Variants in MARCHF1 observed in about 807,000 individuals in gnomAD.
The protein encoded by MARCHF1 is E3 ubiquitin-protein ligase MARCHF1.
In MARCHF1, 40 loss-of-function variants were observed where a neutral mutation model predicts 54.2. The ratio of observed to expected loss-of-function variants is 0.74; its 90% CI spans 0.57 to 0.96. The LOEUF (loss-of-function observed/expected upper bound fraction) is 0.96, where lower values mean the gene tolerates loss of function less well. Among genes scored for constraint, MARCHF1 ranks in the 40% least tolerant of loss-of-function variants. The probability of loss-of-function intolerance (pLI) is 0.00; values close to 1 mark genes in which losing one functional copy is unlikely to be tolerated. For synonymous variants in MARCHF1, 236 were observed against 236.3 expected (o/e 1.00, Z 0.01); for missense variants, 586 against 656.5 (o/e 0.89, Z 1.17).
chr4:164,280,018 T>G (rs914598243), intron 1 of MARCHF1, among the ~76,000 whole-genome samples: 5 of 151,858 alleles, frequency 3.3e-5, no homozygotes. Flanking sequence ...CATCAAAAAC[T>G]TAAAGGGTAG....
At chr4:164,307,983 C>T (rs1173009251) in intron 1 of MARCHF1, among the ~76,000 whole-genome samples, 3 of 152,258 alleles carry the variant, frequency 2.0e-5, no homozygotes, top group Admixed American at 6.5e-5. Context: ...CTACTAAACA[C>T]GCCAAATCTT....
chr4:163,535,952 C>G (rs551142817), intron 9 of MARCHF1, among the ~76,000 whole-genome samples: 1 of 151,952 alleles, frequency 6.6e-6, no homozygotes, highest in Non-Finnish European at 1.5e-5. Flanking sequence ...TATTAGAGGC[C>G]AGGCATGCTG....
At chr4:163,891,467 A>C (rs1043665880) in intron 3 of MARCHF1, among the ~76,000 whole-genome samples, 2 of 149,240 alleles carry the variant, frequency 1.3e-5, no homozygotes, top group African/African-American at 4.9e-5. Context: ...AAGCTACACC[A>C]TTTTTTTTTT....
At position 163,912,988 on chromosome 4, in the gene MARCHF1, T is replaced by C. The variant is rs146236143; in HGVS notation, c.-38-58819A>G. 2.9e-3 allele frequency among the ~76,000 whole-genome samples: 437 copies of C among 152,330 alleles called. 1 individual carries two copies. The highest frequency in any genetic ancestry group is 9.8e-3 in the African/African-American group (406 of 41,576). On this transcript the variant is annotated intron_variant, in intron 3 of 9. Transcript: ENST00000514618. ...GGCTCTTCCTAGATAAATGACACAT[T>C]ATAAAATTTAAAATGTTCTGTTATG...
intron 4 of MARCHF1, among the ~76,000 whole-genome samples, chr4:163,722,950 C>A (rs989100953): frequency 6.6e-6 from 1 of 152,164 alleles, no homozygotes; most frequent in Non-Finnish European, 1.5e-5. Context: ...CTGAATAAAG[C>A]ACACTGATGG....
intron 2 of MARCHF1, among the ~76,000 whole-genome samples, chr4:164,071,533 C>A (rs1221968652): frequency 6.6e-6 from 1 of 151,892 alleles, no homozygotes; most frequent in Non-Finnish European, 1.5e-5. Context: ...TGCATTTAAT[C>A]AAAATATGTA....
At chr4:163,821,902 T>C (rs1170353368) in intron 4 of MARCHF1, among the ~76,000 whole-genome samples, 3 of 151,656 alleles carry the variant, frequency 2.0e-5, no homozygotes, top group Non-Finnish European at 4.4e-5. Flanking sequence ...ACACAAACTC[T>C]TTTGACAAAA....
chr4:164,298,607 G>A lies in MARCHF1; in HGVS notation c.-323+85263C>T, dbSNP rs1014559983. ...TAATATCAAGAGTTGGTCTTTCTAT[G>A]GGCCTTTCAGATTTGTTTTCTACAA... On this transcript the variant is annotated intron_variant, in intron 1 of 9. Transcript: ENST00000514618. Among the ~76,000 whole-genome samples the A allele has an allele frequency of 3.7e-4, 56 of 151,916 alleles. 1 individual carries two copies. Among genetic ancestry groups the A allele is most frequent in the Middle Eastern group, 3.2e-3 (1 of 316 alleles).
chr4:164,039,120 G>A (rs976603618), intron 2 of MARCHF1, among the ~76,000 whole-genome samples: 1 of 152,010 alleles, frequency 6.6e-6, no homozygotes, highest in Non-Finnish European at 1.5e-5. Context: ...AATAGATTAG[G>A]GAGTAAAATA....
chr4:163,747,469 C>T (rs1326900903), intron 4 of MARCHF1, among the ~76,000 whole-genome samples: 1 of 152,140 alleles, frequency 6.6e-6, no homozygotes. Flanking sequence ...CATGTAAGAC[C>T]CAGTGAATTT....
At chr4:164,053,301 T>A (rs1754413668) in intron 2 of MARCHF1, among the ~76,000 whole-genome samples, 1 of 152,182 alleles carries the variant, frequency 6.6e-6, no homozygotes, top group South Asian at 2.1e-4. Flanking sequence ...ATGACCGATA[T>A]TTGGGCATTT....
At chr4:164,045,782 A>G (rs187258940) in intron 2 of MARCHF1, among the ~76,000 whole-genome samples, 89 of 152,002 alleles carry the variant, frequency 5.9e-4, no homozygotes, top group African/African-American at 2.1e-3. Context: ...TCTGACCTCA[A>G]ACAAAAGCAT....
chr4:164,351,113 C>A (rs1052665855), intron 1 of MARCHF1, among the ~76,000 whole-genome samples: 14 of 152,172 alleles, frequency 9.2e-5, no homozygotes, highest in Admixed American at 1.3e-4. Flanking sequence ...GAGGGTCCTA[C>A]CCCACGGAAT....
intron 4 of MARCHF1, among the ~76,000 whole-genome samples, chr4:163,754,161 C>G (rs1465751187): frequency 6.6e-6 from 1 of 152,178 alleles, no homozygotes; most frequent in Admixed American, 6.5e-5. Flanking sequence ...ATTCTTAGAT[C>G]CCAGATAGCT....
chr4:163,976,836 G>T, intron 3 of MARCHF1, among the ~76,000 whole-genome samples: 1 of 152,108 alleles, frequency 6.6e-6, no homozygotes, highest in East Asian at 1.9e-4. Flanking sequence ...TGAGGTTTCA[G>T]ATTTCTATGC....
intron 1 of MARCHF1, among the ~76,000 whole-genome samples, chr4:164,144,171 C>T (rs200035344): frequency 3.3e-5 from 5 of 149,524 alleles, no homozygotes; most frequent in Non-Finnish European, 4.4e-5. Flanking sequence ...ATTCATAAAG[C>T]AAGTCCTGAC....
chr4:163,825,234 G>A (rs1225219974), intron 4 of MARCHF1, among the ~76,000 whole-genome samples: 1 of 152,006 alleles, frequency 6.6e-6, no homozygotes, highest in Non-Finnish European at 1.5e-5. Context: ...TGAGATAACA[G>A]CCTCCAGCTC....
At chr4:163,792,981 C>T (rs1747811345) in intron 4 of MARCHF1, among the ~76,000 whole-genome samples, 1 of 152,162 alleles carries the variant, frequency 6.6e-6, no homozygotes, top group African/African-American at 2.4e-5. Context: ...CTCTCTAAAG[C>T]GAATCTTCCT....
chr4:164,084,096 T>C (rs190838213), intron 2 of MARCHF1, among the ~76,000 whole-genome samples: 2 of 152,106 alleles, frequency 1.3e-5, no homozygotes, highest in East Asian at 3.9e-4. Context: ...ATGTGACTTA[T>C]CCCATTTCAT....
Sources: allele counts gnomAD v4.1 joint callset (sites outside exome capture counted in the v4.1 genomes callset), GRCh38; gene constraint gnomAD v4.1.1; transcripts MANE v1.5; gene names NCBI Gene and HGNC (gene_info 2026-07-23, HGNC 2026-07-21).